EPS8: variants seen among roughly 807,000 people sequenced by gnomAD.
The protein encoded by EPS8 is EGFR pathway substrate 8, signaling adaptor, also known as epidermal growth factor receptor kinase substrate 8.
A neutral mutation model predicts 103.8 loss-of-function variants in EPS8; 42 were observed. That is an observed-to-expected ratio of 0.40 (90% confidence interval 0.32 to 0.52). The LOEUF is 0.52. EPS8 is among the 20% of genes least tolerant of loss of function. The pLI is 0.40. For synonymous variants in EPS8, 344 were observed against 344.6 expected (o/e 1.00, Z 0.02); for missense variants, 969 against 1,005.1 (o/e 0.96, Z 0.49).
chr12:15,679,099 T>A (rs1469472660), intron 3 of EPS8, among the ~76,000 whole-genome samples: 1 of 152,154 alleles, frequency 6.6e-6, no homozygotes, highest in African/African-American at 2.4e-5. Flanking sequence ...ATTAATACTC[T>A]TTCTCCTTAT....
At chr12:15,627,330 C>T (rs183475229) in intron 18 of EPS8, among the ~76,000 whole-genome samples, 4 of 152,212 alleles carry the variant, frequency 2.6e-5, no homozygotes, top group African/African-American at 9.6e-5. Flanking sequence ...AACCTACCTC[C>T]TTTCATTAAA....
intron 10 of EPS8, 21 bp downstream of exon 10, chr12:15,660,593 G>T: frequency 8.6e-7 from 1 of 1,158,262 alleles, no homozygotes; most frequent in Non-Finnish European, 1.3e-6. Context: ...GGCATTAGAA[G>T]ATTAAGAAAA....
intron 1 of EPS8, among the ~76,000 whole-genome samples, chr12:15,755,248 TACAGACATG>T (rs1946974456): frequency 6.6e-6 from 1 of 152,256 alleles, no homozygotes; most frequent in African/African-American, 2.4e-5. Flanking sequence ...ATCTTGAGAT[TACAGACATG>T]AGCTGCTGCA....
intron 17 of EPS8, among the ~76,000 whole-genome samples, chr12:15,638,480 T>C (rs1259293633): frequency 6.6e-6 from 1 of 152,158 alleles, no homozygotes; most frequent in East Asian, 1.9e-4. Flanking sequence ...AGTAGGGCCC[T>C]CAACCTGAAC....
At chr12:15,680,970 G>C (rs1945994879) in intron 3 of EPS8, among the ~76,000 whole-genome samples, 2 of 152,056 alleles carry the variant, frequency 1.3e-5, no homozygotes, top group Admixed American at 1.3e-4. Context: ...GCCACCTAGG[G>C]CATTGGCACC....
chr12:15,681,344 G>T, intron 2 of EPS8, 42 bp from the exon 3 acceptor site: 1 of 877,880 alleles, frequency 1.1e-6, no homozygotes, highest in Non-Finnish European at 1.5e-6. Context: ...AATATAAAAA[G>T]GTCATTGTGT....
chr12:15,680,084 T>C (rs148303714), intron 3 of EPS8, among the ~76,000 whole-genome samples: 334 of 152,226 alleles, frequency 2.2e-3, no homozygotes, highest in Non-Finnish European at 3.4e-3. Context: ...TCACAATACT[T>C]AATAAACTGA....
chr12:15,674,766 C>CA (rs1183485094), intron 3 of EPS8, among the ~76,000 whole-genome samples: 1 of 151,788 alleles, frequency 6.6e-6, no homozygotes, highest in Non-Finnish European at 1.5e-5. Flanking sequence ...ACTTTTGACT[C>CA]AAACATTTAG....
intron 1 of EPS8, among the ~76,000 whole-genome samples, chr12:15,711,414 A>C (rs1946462637): frequency 6.6e-6 from 1 of 152,196 alleles, no homozygotes. Context: ...CAATTTGCTT[A>C]AGTTAAACTG....
chr12:15,757,466 T>TA lies in EPS8; in HGVS notation c.-22+31694dup, dbSNP rs1555128025. Reference sequence around the variant, plus strand: ...CAACACGGTGAAACCTCATCTCTACTAAAAAATACAAAAATTAGCTAGGCG... The same window carrying TA: ...CAACACGGTGAAACCTCATCTCTACTAAAAAAATACAAAAATTAGCTAGGCG... On this transcript the variant is annotated intron_variant, in intron 1 of 20. Coordinates refer to ENST00000281172, the MANE Select transcript of EPS8 (RefSeq NM_004447.6). This position sits in a 1 kb window ranked among gnomAD's most constrained non-coding sequence, Gnocchi z 4.1. Among the ~76,000 whole-genome samples the TA allele has an allele frequency of 6.6e-6, 1 of 151,758 alleles. No homozygotes were observed. The highest frequency in any genetic ancestry group is 1.5e-5 in the Non-Finnish European group (1 of 67,930).
chr12:15,716,914 C>A lies in EPS8; in HGVS notation c.-21-33942G>T, dbSNP rs1429208796. The stretch of plus-strand genomic sequence containing the variant: ...CTTCATTCCTTCTTCTTATAAGATC[C>A]ACTATCTGCTTTGTCTTCTCTAAAC... On this transcript the variant is annotated intron_variant, in intron 1 of 20. Coordinates refer to ENST00000281172, the MANE Select transcript of EPS8 (RefSeq NM_004447.6). This position sits in a 1 kb window ranked among gnomAD's most constrained non-coding sequence, Gnocchi z 5.0. Among the ~76,000 whole-genome samples, 1 of 152,180 alleles carries A rather than the reference C, an allele frequency of 6.6e-6. No individual in the cohort carries two copies. The highest frequency in any genetic ancestry group is 1.5e-5 in the Non-Finnish European group (1 of 68,032).
rs201697269 is a variant in EPS8, at chr12:15,713,109, A to AT, written c.-21-30138dup. 2.2e-3 allele frequency: 980 copies of AT among 446,084 alleles called. No individual in the cohort carries two copies. Among genetic ancestry groups the AT allele is most frequent in the Middle Eastern group, 3.4e-3 (3 of 878 alleles). The allele number at this position is 446,084 out of a possible 1,614,324, so 27.6% of individuals were successfully genotyped here. A position where few individuals can be genotyped will look rare whatever the true frequency, so the allele number is the denominator to read the frequency against. On this transcript the variant is annotated intron_variant, in intron 1 of 20. Coordinates refer to ENST00000281172, the MANE Select transcript of EPS8 (RefSeq NM_004447.6). The surrounding 1 kb of genome is among the most constrained non-coding windows in gnomAD (Gnocchi z 4.8). Reference sequence around the variant, plus strand: ...ACACTTCCAACTCTTGCCTAAGATGATTTTTTTTTTAAGTTTTAAATGGTG... The same window carrying AT: ...ACACTTCCAACTCTTGCCTAAGATGATTTTTTTTTTTAAGTTTTAAATGGTG...
At position 15,776,844 on chromosome 12, in the gene EPS8, C is replaced by T. The variant is rs1346164927; in HGVS notation, c.-22+12317G>A. Among the ~76,000 whole-genome samples, 1 of 152,154 alleles carries T rather than the reference C, an allele frequency of 6.6e-6. No homozygotes were observed. Among genetic ancestry groups the T allele is most frequent in the Admixed American group, 6.5e-5 (1 of 15,286 alleles). Reference sequence around the variant, plus strand: ...ACTTGTTTTCCCAATCATTTTATCACTTTATCTATTAGTTTGGAATCTTAT... The same window carrying T: ...ACTTGTTTTCCCAATCATTTTATCATTTTATCTATTAGTTTGGAATCTTAT... On this transcript the variant is annotated intron_variant, in intron 1 of 20. Transcript: ENST00000281172. This position sits in a 1 kb window ranked among gnomAD's most constrained non-coding sequence, Gnocchi z 4.2.
At chr12:15,658,641 A>G (rs910537610) in intron 10 of EPS8, 56 bp from the exon 11 acceptor site, 10 of 1,197,800 alleles carry the variant, frequency 8.3e-6, no homozygotes, top group East Asian at 2.3e-5. Flanking sequence ...AATTTATTAA[A>G]TGGAAAAACA....
chr12:15,652,134 C>A (rs1367127155), intron 13 of EPS8, among the ~76,000 whole-genome samples: 3 of 151,958 alleles, frequency 2.0e-5, no homozygotes, highest in Admixed American at 6.6e-5. Flanking sequence ...ATTATTCAGC[C>A]ATAAAAATGA....
intron 19 of EPS8, among the ~76,000 whole-genome samples, chr12:15,623,534 T>G (rs779713567): frequency 6.6e-6 from 1 of 152,140 alleles, no homozygotes; most frequent in Admixed American, 6.5e-5. Flanking sequence ...TTTAGGGTCA[T>G]TGTTTAATAC....
intron 19 of EPS8, 110 bp downstream of exon 19, chr12:15,624,117 A>C: frequency 1.3e-6 from 1 of 795,104 alleles, no homozygotes; most frequent in South Asian, 1.7e-5. Flanking sequence ...CAAAGTATGC[A>C]GTCTGTGCCC....
At chr12:15,648,572 T>C (rs1379521973) in intron 14 of EPS8, among the ~76,000 whole-genome samples, 1 of 152,238 alleles carries the variant, frequency 6.6e-6, no homozygotes, top group Non-Finnish European at 1.5e-5. Context: ...TAATTCAGTT[T>C]ATCATTTCCC....
At chr12:15,739,730 A>G (rs747678263) in intron 1 of EPS8, among the ~76,000 whole-genome samples, 1 of 152,002 alleles carries the variant, frequency 6.6e-6, no homozygotes, top group East Asian at 1.9e-4. Flanking sequence ...AGCCTCCACA[A>G]TTGTGTTAGC....
Sources: allele counts gnomAD v4.1 joint callset (sites outside exome capture counted in the v4.1 genomes callset), GRCh38; gene constraint gnomAD v4.1.1; non-coding constraint Gnocchi (gnomAD v3.1); transcripts MANE v1.5; gene names NCBI Gene and HGNC (gene_info 2026-07-23, HGNC 2026-07-21).